C2orf15: variants seen among roughly 807,000 people sequenced by gnomAD.
C2orf15 encodes uncharacterized protein C2orf15.
A neutral mutation model predicts 4.4 loss-of-function variants in C2orf15; 3 were observed. That is an observed-to-expected ratio of 0.67 (90% CI 0.31 to 1.74). The LOEUF (loss-of-function observed/expected upper bound fraction) is 1.74, where lower values mean the gene tolerates loss of function less well. C2orf15 is among the 40% of genes most tolerant of loss of function. The pLI is 0.09. For synonymous variants in C2orf15, 37 were observed against 36.8 expected (o/e 1.00, Z -0.02); for missense variants, 90 against 103.3 (o/e 0.87, Z 0.56).
intron 2 of C2orf15, among the ~76,000 whole-genome samples, chr2:99,145,740 A>T (rs2093625184): frequency 2.0e-5 from 3 of 152,296 alleles, no homozygotes; most frequent in Middle Eastern, 3.4e-3. Flanking sequence ...TATTCTGCCT[A>T]CCACAGCTGG....
chr2:99,145,017 C>G (rs1341364056), intron 2 of C2orf15, among the ~76,000 whole-genome samples: 1 of 152,184 alleles, frequency 6.6e-6, no homozygotes, highest in Non-Finnish European at 1.5e-5. Flanking sequence ...AATTTATTAT[C>G]ACACGGTTCT....
chr2:99,144,925 C>T (rs143895615), intron 2 of C2orf15, among the ~76,000 whole-genome samples: 2 of 152,258 alleles, frequency 1.3e-5, no homozygotes, highest in East Asian at 3.9e-4. Flanking sequence ...GGCAAAGAGA[C>T]AGGAGAGAGT....
At chr2:99,145,980 A>G (rs1194859963) in intron 2 of C2orf15, among the ~76,000 whole-genome samples, 1 of 152,118 alleles carries the variant, frequency 6.6e-6, no homozygotes, top group Non-Finnish European at 1.5e-5. Context: ...AAAAAAATGA[A>G]TTTTAAAAAT....
At chr2:99,144,311 G>A (rs1040789319) in intron 2 of C2orf15, among the ~76,000 whole-genome samples, 1 of 151,916 alleles carries the variant, frequency 6.6e-6, no homozygotes, top group Non-Finnish European at 1.5e-5. Context: ...ATGAGCCACC[G>A]CGCCCGGCCT....
rs1187294001 is a variant in C2orf15 at position 99,141,817 on chromosome 2, C to T, written c.-406C>T. The T allele has an allele frequency of 6.6e-6, 1 of 152,520 alleles. No individual in the cohort carries two copies. The highest frequency in any genetic ancestry group is 2.4e-5 in the African/African-American group (1 of 41,464). The allele number at this position is 152,520 out of a possible 1,614,324, so 9.4% of individuals were successfully genotyped here. On this transcript the variant is annotated 5_prime_UTR_variant, in exon 1 of 4. Transcript: ENST00000650052. ...TCATTCTGGACCCATGTTCGGTGAA[C>T]CGGTTACTCTCAGAGCTGCTTTCGG...
Position 99,150,787 on chromosome 2 carries a change from G to C in C2orf15, c.229G>C (p.Val77Leu), listed in dbSNP as rs1452509862. 1.2e-6 allele frequency: 2 copies of C among 1,605,970 alleles called. No homozygotes were observed. The highest frequency in any genetic ancestry group is 1.4e-5 in the African/African-American group (1 of 74,068). ...TTCTGGGAAAGCCTTGGGTTCAGTGGTATATGTCAAAGAAAGTGATGGACT... is the reference window on the plus strand; with the variant it reads ...TTCTGGGAAAGCCTTGGGTTCAGTGCTATATGTCAAAGAAAGTGATGGACT... Reference protein sequence around the residue: ...SLSGKALGSVVYVKESDGLEM... With the variant: ...SLSGKALGSVLYVKESDGLEM... The change falls in exon 4 of 4, where the codon GTA (valine) becomes CTA (leucine). Residue 77 changes from valine to leucine, a missense_variant. By Grantham distance (32) the Val-to-Leu change is conservative. Coordinates refer to ENST00000650052, the MANE Select transcript of C2orf15 (RefSeq NM_144706.4).
At chr2:99,145,862 G>A (rs1437974380) in intron 2 of C2orf15, among the ~76,000 whole-genome samples, 3 of 152,218 alleles carry the variant, frequency 2.0e-5, no homozygotes, top group Non-Finnish European at 4.4e-5. Flanking sequence ...ACCAGTCCAG[G>A]CATGGTGGCT....
chr2:99,150,997 G>A lies in C2orf15; in HGVS notation c.*163G>A. The A allele has an allele frequency of 2.0e-6, 1 of 498,474 alleles. No homozygotes were observed. The highest frequency in any genetic ancestry group is 3.6e-6 in the Non-Finnish European group (1 of 278,282). 30.9% of individuals were successfully genotyped at this position (498,474 alleles called of 1,614,324 possible). ...ATCTTACACTGCATTTTTTTATGATGCTTATTCAAAAGGCAGTTGCTTTAG... is the reference window on the plus strand; with the variant it reads ...ATCTTACACTGCATTTTTTTATGATACTTATTCAAAAGGCAGTTGCTTTAG... On this transcript the variant is annotated 3_prime_UTR_variant, in exon 4 of 4. Transcript: ENST00000650052.
rs2093695050 is a variant in C2orf15 at position 99,151,597 on chromosome 2, T to C, written c.*763T>C. 6.6e-6 allele frequency: 1 copy of C among 152,226 alleles called. No homozygotes were observed. Among genetic ancestry groups the C allele is most frequent in the South Asian group, 2.1e-4 (1 of 4,832 alleles). The allele number at this position is 152,226 out of a possible 1,614,324, so 9.4% of individuals were successfully genotyped here. On this transcript the variant is annotated 3_prime_UTR_variant, in exon 4 of 4. Transcript: ENST00000650052. ...TATGATACTTTACTTTCTTACATTT[T>C]GCATTTTTGTTCTGTAAAAGATCAC... is the stretch of plus-strand genomic sequence containing the variant.
intron 2 of C2orf15, among the ~76,000 whole-genome samples, chr2:99,146,568 T>C (rs1023424493): frequency 2.0e-5 from 3 of 152,208 alleles, no homozygotes; most frequent in Admixed American, 6.5e-5. Flanking sequence ...GTAACAGATA[T>C]TTTCTTCTAT....
At position 99,151,117 on chromosome 2, in the gene C2orf15, G is replaced by T; in HGVS notation, c.*283G>T. On this transcript the variant is annotated 3_prime_UTR_variant, in exon 4 of 4. Transcript: ENST00000650052. ...AGTTTTTAAGTAACAGTATTTGAAT[G>T]GCATCAAAACATTTTCATTTTAATG... 1 of 247,792 alleles carries T rather than the reference G, an allele frequency of 4.0e-6. No individual in the cohort carries two copies. The highest frequency in any genetic ancestry group is 7.6e-6 in the Non-Finnish European group (1 of 131,078). 15.3% of individuals were successfully genotyped at this position (247,792 alleles called of 1,614,324 possible).
At chr2:99,147,317 T>C in intron 2 of C2orf15, 85 bp from the exon 3 acceptor site, 1 of 744,516 alleles carries the variant, frequency 1.3e-6, no homozygotes. Context: ...CCTATCTTAA[T>C]ATCTAGTAAA....
At chr2:99,149,752 T>C (rs11685756) in intron 3 of C2orf15, among the ~76,000 whole-genome samples, 90,161 of 145,818 alleles carry the variant, frequency 0.62, 28,422 homozygotes, top group East Asian at 0.88. Context: ...GATCATCTCT[T>C]TTTACAGACT....
In C2orf15 at chr2:99,142,600, C is replaced by CA. The variant is rs552711704; in HGVS notation, c.-169+207dup. 9.0e-4 allele frequency among the ~76,000 whole-genome samples: 137 copies of CA among 151,420 alleles called. 3 individuals are homozygous for CA. The East Asian group carries it at 0.025, about 27-fold the overall frequency. On this transcript the variant is annotated intron_variant, in intron 2 of 3. Coordinates refer to ENST00000650052, the MANE Select transcript of C2orf15 (RefSeq NM_144706.4). ...ATACTTTGTAAGTATAATTAGATAC[C>CA]AAAAAAAATTAAGTGTCCCTGTTAT...
rs573402786 is a variant in C2orf15, at chr2:99,144,122, G to A, written c.-169+1721G>A. ...TGGAAGCTCTGCCTCGCGGCTTCAC[G>A]CCATTCTCCTGCCTCAGCCTCCCGA... On this transcript the variant is annotated intron_variant, in intron 2 of 3. Coordinates refer to ENST00000650052, the MANE Select transcript of C2orf15 (RefSeq NM_144706.4). Among the ~76,000 whole-genome samples the A allele has an allele frequency of 6.7e-4, 102 of 152,258 alleles. 1 individual carries two copies. Among genetic ancestry groups the A allele is most frequent in the African/African-American group, 2.4e-3 (98 of 41,564 alleles).
intron 2 of C2orf15, among the ~76,000 whole-genome samples, chr2:99,146,691 T>C (rs961136011): frequency 5.3e-5 from 8 of 152,072 alleles, no homozygotes; most frequent in Non-Finnish European, 1.0e-4. Flanking sequence ...TGCAATGGTA[T>C]GATCTCAGCT....
intron 3 of C2orf15, chr2:99,148,211 C>CA (rs1217912547): frequency 6.6e-6 from 1 of 152,064 alleles, no homozygotes; most frequent in African/African-American, 2.4e-5. Context: ...TGTTTAGATT[C>CA]AAGTTATGCA....
At position 99,141,841 on chromosome 2, in the gene C2orf15, G is replaced by C. The variant is rs937361974; in HGVS notation, c.-382G>C. The C allele has an allele frequency of 6.6e-6, 1 of 152,420 alleles. No individual in the cohort carries two copies. The highest frequency in any genetic ancestry group is 1.5e-5 in the Non-Finnish European group (1 of 68,128). 9.4% of individuals were successfully genotyped at this position (152,420 alleles called of 1,614,324 possible). A position where few individuals can be genotyped will look rare whatever the true frequency, so the allele number is the denominator to read the frequency against. ...ACCGGTTACTCTCAGAGCTGCTTTC[G>C]GGCGCAGCTCCTGCTGCAGCCAGGG... On this transcript the variant is annotated 5_prime_UTR_variant, in exon 1 of 4. Transcript: ENST00000650052.
intron 1 of C2orf15, 83 bp downstream of exon 1, chr2:99,142,020 G>A (rs1332739772): frequency 6.6e-6 from 1 of 152,304 alleles, no homozygotes; most frequent in Non-Finnish European, 1.5e-5. Flanking sequence ...GAATCAGGAA[G>A]TGGCAGATCT....
Sources: allele counts gnomAD v4.1 joint callset (sites outside exome capture counted in the v4.1 genomes callset), GRCh38; gene constraint gnomAD v4.1.1; transcripts MANE v1.5; gene names NCBI Gene and HGNC (gene_info 2026-07-23, HGNC 2026-07-21).